SGCZ: variants seen among roughly 807,000 people sequenced by gnomAD.
The protein encoded by SGCZ is zeta-sarcoglycan.
A neutral mutation model predicts 41.3 loss-of-function variants in SGCZ; 40 were observed. The observed-to-expected ratio is 0.97, with a 90% CI of 0.75 to 1.26. The LOEUF (loss-of-function observed/expected upper bound fraction) is 1.26, where lower values mean the gene tolerates loss of function less well. Among genes scored for constraint, SGCZ ranks in the 50% most tolerant of loss-of-function variants. The pLI is 0.00. For missense variants in SGCZ, 552 were observed against 369.8 expected (o/e 1.49, Z -4.04); for synonymous variants, 206 against 137.5 (o/e 1.50, Z -3.49).
At chr8:14,422,433 A>G (rs982201773) in intron 2 of SGCZ, among the ~76,000 whole-genome samples, 2 of 152,210 alleles carry the variant, frequency 1.3e-5, no homozygotes, top group African/African-American at 4.8e-5. Flanking sequence ...ACTGTATTGG[A>G]GACAATTTTA....
chr8:14,227,098 A>G (rs898321904), intron 4 of SGCZ, among the ~76,000 whole-genome samples: 4 of 152,082 alleles, frequency 2.6e-5, no homozygotes, highest in Admixed American at 2.6e-4. Flanking sequence ...AAGAATAAGG[A>G]GGTGGAATCA....
intron 3 of SGCZ, among the ~76,000 whole-genome samples, chr8:14,238,369 G>C (rs1192309941): frequency 1.3e-5 from 2 of 152,310 alleles, no homozygotes; most frequent in Admixed American, 1.3e-4. Flanking sequence ...AAAATCTTCA[G>C]AGTAAAATTG....
chr8:14,368,479 G>C (rs28522538), intron 2 of SGCZ, among the ~76,000 whole-genome samples: 1 of 152,010 alleles, frequency 6.6e-6, no homozygotes, highest in Non-Finnish European at 1.5e-5. Flanking sequence ...TAATTAATCA[G>C]CTTAAGACCT....
At chr8:14,391,190 G>C (rs929285424) in intron 2 of SGCZ, among the ~76,000 whole-genome samples, 1 of 152,070 alleles carries the variant, frequency 6.6e-6, no homozygotes, top group Admixed American at 6.6e-5. Flanking sequence ...AATGGAAAAA[G>C]TAAGACTGGC....
At chr8:14,476,512 G>A (rs933922632) in intron 2 of SGCZ, among the ~76,000 whole-genome samples, 15 of 151,934 alleles carry the variant, frequency 9.9e-5, no homozygotes, top group East Asian at 1.9e-4. Context: ...AATTATTAGT[G>A]AGCTAGTAAT....
At chr8:15,107,051 C>T (rs1236797261) in intron 1 of SGCZ, among the ~76,000 whole-genome samples, 2 of 152,082 alleles carry the variant, frequency 1.3e-5, no homozygotes, top group Admixed American at 6.6e-5. Flanking sequence ...CTTACATGAG[C>T]CCCTCTTCAT....
Position 14,087,154 on chromosome 8 carries a change from T to C in SGCZ, c.*3289A>G. Among the ~76,000 whole-genome samples, 1 of 151,596 alleles carries C rather than the reference T, an allele frequency of 6.6e-6. No homozygotes were observed. Among genetic ancestry groups the C allele is most frequent in the Non-Finnish European group, 1.5e-5 (1 of 67,708 alleles). ...CTTAGATAAATAATTATGTGCCAAA[T>C]TATAAAACATATCATTCACAATAAA... On this transcript the variant is annotated 3_prime_UTR_variant, in exon 8 of 8. Transcript: ENST00000382080.
At chr8:14,430,345 C>T (rs1339027239) in intron 2 of SGCZ, among the ~76,000 whole-genome samples, 1 of 152,072 alleles carries the variant, frequency 6.6e-6, no homozygotes, top group Non-Finnish European at 1.5e-5. Flanking sequence ...AGATAATTCA[C>T]CATAATCAAG....
intron 2 of SGCZ, among the ~76,000 whole-genome samples, chr8:14,394,194 A>G (rs1050385063): frequency 3.2e-5 from 4 of 124,540 alleles, no homozygotes; most frequent in African/African-American, 1.3e-4. Flanking sequence ...TCTGTTGCCC[A>G]GGCTGGAGTG....
chr8:15,172,163 T>TAA (rs1799856388), intron 1 of SGCZ, among the ~76,000 whole-genome samples: 1 of 116,524 alleles, frequency 8.6e-6, no homozygotes, highest in Non-Finnish European at 1.8e-5. Context: ...TGTTTTTTTT[T>TAA]TTTTTTTTTT....
chr8:14,435,533 A>G (rs1343317272), intron 2 of SGCZ, among the ~76,000 whole-genome samples: 1 of 152,184 alleles, frequency 6.6e-6, no homozygotes, highest in Non-Finnish European at 1.5e-5. Context: ...AGTGAGATCA[A>G]TGGAAATTTT....
intron 1 of SGCZ, among the ~76,000 whole-genome samples, chr8:14,630,643 C>T (rs970867996): frequency 6.6e-6 from 1 of 151,932 alleles, no homozygotes; most frequent in East Asian, 1.9e-4. Flanking sequence ...AAATGATAGA[C>T]TGGATTAAGA....
At chr8:15,003,316 T>C (rs1210722618) in intron 1 of SGCZ, among the ~76,000 whole-genome samples, 1 of 152,006 alleles carries the variant, frequency 6.6e-6, no homozygotes, top group Non-Finnish European at 1.5e-5. Flanking sequence ...GTGAGTCAAT[T>C]AAACCTCTTT....
intron 1 of SGCZ, among the ~76,000 whole-genome samples, chr8:14,888,673 T>G (rs184387595): frequency 6.6e-6 from 1 of 152,266 alleles, no homozygotes. Context: ...TATTAAATTG[T>G]CTCATTGTTT....
Position 15,229,053 on chromosome 8 carries a change from G to A in SGCZ, c.39+8532C>T, listed in dbSNP as rs776727426. On this transcript the variant is annotated intron_variant, in intron 1 of 7. Transcript: ENST00000382080. ...ACAAAAATACAAAAATCAGCCAGGC[G>A]TGATGGCGGGTGCCTGTAATCCCAG... Among the ~76,000 whole-genome samples, 10 of 152,212 alleles carry A rather than the reference G, an allele frequency of 6.6e-5. No individual in the cohort carries two copies. In the South Asian group the frequency reaches 1.2e-3, roughly 19 times the overall value.
chr8:15,183,035 G>A (rs268363), intron 1 of SGCZ, among the ~76,000 whole-genome samples: 72,015 of 151,998 alleles, frequency 0.47, 18,380 homozygotes, highest in African/African-American at 0.65. Flanking sequence ...TTCATCCCCC[G>A]CATCTTGTCC....
chr8:14,286,496 G>A (rs995807846), intron 3 of SGCZ, among the ~76,000 whole-genome samples: 5 of 152,072 alleles, frequency 3.3e-5, no homozygotes, highest in Non-Finnish European at 5.9e-5. Flanking sequence ...TCTAAAGCGT[G>A]TTGAAGAGTG....
chr8:14,671,528 C>G (rs1200484167), intron 1 of SGCZ, among the ~76,000 whole-genome samples: 1 of 152,108 alleles, frequency 6.6e-6, no homozygotes, highest in East Asian at 1.9e-4. Flanking sequence ...AATTAAATTT[C>G]AAGAAGGACT....
intron 3 of SGCZ, among the ~76,000 whole-genome samples, chr8:14,238,678 T>C (rs1379856724): frequency 6.6e-6 from 1 of 152,134 alleles, no homozygotes; most frequent in Non-Finnish European, 1.5e-5. Flanking sequence ...AGGGTGATCA[T>C]TTACAAATCT....
Sources: gnomAD v4.1 joint callset for allele counts (sites outside exome capture counted in the v4.1 genomes callset) on GRCh38, gnomAD v4.1.1 for gene constraint, MANE v1.5 for transcripts, NCBI Gene and HGNC (gene_info 2026-07-23, HGNC 2026-07-21) for gene names.